Variants in ANO5 observed in about 807,000 individuals in gnomAD.
ANO5 encodes anoctamin 5, also known as anoctamin-5.
Under a neutral mutation model 121.0 loss-of-function variants are expected in ANO5, and 109 were observed. The observed-to-expected ratio is 0.90, with a 90% confidence interval of 0.77 to 1.06. The LOEUF (loss-of-function observed/expected upper bound fraction) is 1.06. Among genes scored for constraint, ANO5 ranks in the 50% least tolerant of loss-of-function variants. The pLI, the probability that ANO5 is intolerant of heterozygous loss-of-function variation, is 0.00. For synonymous variants in ANO5, 406 were observed against 359.9 expected (o/e 1.13, Z -1.45); for missense variants, 1,064 against 1,078.5 (o/e 0.99, Z 0.19).
chr11:22,239,779 A>G, intron 9 of ANO5, 95 bp downstream of exon 9: 2 of 906,240 alleles, frequency 2.2e-6, no homozygotes, highest in Non-Finnish European at 3.6e-6. Flanking sequence ...ATTTTCTCCC[A>G]CTACATTTCA....
chr11:22,221,795 C>A (rs978649477), intron 5 of ANO5, among the ~76,000 whole-genome samples: 1 of 151,926 alleles, frequency 6.6e-6, no homozygotes, highest in Non-Finnish European at 1.5e-5. Flanking sequence ...TATTTGAAAT[C>A]ATAAATTAAT....
intron 15 of ANO5, among the ~76,000 whole-genome samples, chr11:22,260,152 ATAAATC>A (rs1590301673): frequency 6.6e-6 from 1 of 152,170 alleles, no homozygotes; most frequent in African/African-American, 2.4e-5. Context: ...CTTCTCCTAA[ATAAATC>A]TAAATTTTAG....
At chr11:22,258,976 A>G (rs1854095757) in intron 14 of ANO5, among the ~76,000 whole-genome samples, 1 of 152,060 alleles carries the variant, frequency 6.6e-6, no homozygotes, top group African/African-American at 2.4e-5. Context: ...TACTAAAAAT[A>G]CAAAAAATTA....
chr11:22,269,403 A>AG (rs1294467746), intron 17 of ANO5, among the ~76,000 whole-genome samples: 7 of 147,508 alleles, frequency 4.7e-5, no homozygotes, highest in Non-Finnish European at 7.5e-5. Context: ...GGAAGGAAGG[A>AG]GAAAAAAAGA....
In ANO5 at chr11:22,272,199, TGAG is replaced by T. The variant is rs554038411; in HGVS notation, c.2030-581_2030-579del. Among the ~76,000 whole-genome samples the T allele has an allele frequency of 2.4e-3, 362 of 152,054 alleles. 1 individual carries two copies. Among genetic ancestry groups the T allele is most frequent in the African/African-American group, 8.3e-3 (344 of 41,462 alleles). ...GGTGTGGTCCTCTGTTGAGTCTTAA[TGAG>T]GAGAGAGAATAAAATTTATTTAGAA... On this transcript the variant is annotated intron_variant, in intron 18 of 21. Transcript: ENST00000324559.
At chr11:22,270,058 T>A (rs1361517016) in intron 17 of ANO5, among the ~76,000 whole-genome samples, 1 of 152,194 alleles carries the variant, frequency 6.6e-6, no homozygotes, top group African/African-American at 2.4e-5. Context: ...TCTGAGTAAA[T>A]ATATTTCTCT....
chr11:22,263,632 T>G lies in ANO5; in HGVS notation c.1898+589T>G, dbSNP rs112887813. ...CTGACAGTTTATCTCAAATAGTAGA[T>G]GAAAATTGTCATGGATAAAAAGAGA... On this transcript the variant is annotated intron_variant, in intron 17 of 21. Coordinates refer to ENST00000324559, the MANE Select transcript of ANO5 (RefSeq NM_213599.3). Among the ~76,000 whole-genome samples the G allele has an allele frequency of 1.6e-3, 248 of 152,278 alleles. 2 individuals are homozygous for G. Among genetic ancestry groups the G allele is most frequent in the African/African-American group, 5.7e-3 (235 of 41,540 alleles).
At position 22,274,650 on chromosome 11, in the gene ANO5, A is replaced by C; in HGVS notation, c.2317A>C (p.Met773Leu). The change falls in exon 20 of 22, where the codon ATG becomes CTG. Residue 773 changes from methionine to leucine, a missense_variant. Met to Leu is a conservative substitution (Grantham distance 15, BLOSUM62 2). Transcript: ENST00000324559. The stretch of plus-strand genomic sequence containing the variant: ...TTACTCAACAAATGCCACACAGCCT[A>C]TGACAGGATATGTGAATAATAGCCT... ...YAYSTNATQP[M>L]TGYVNNSLSV... 1 of 1,613,436 alleles carries C rather than the reference A, an allele frequency of 6.2e-7. No individual in the cohort carries two copies. Among genetic ancestry groups the C allele is most frequent in the Non-Finnish European group, 8.5e-7 (1 of 1,179,590 alleles).
chr11:22,236,310 T>G (rs1853218493), intron 8 of ANO5, 34 bp downstream of exon 8: 3 of 1,515,418 alleles, frequency 2.0e-6, no homozygotes, highest in Admixed American at 1.7e-5. Flanking sequence ...AATCTGAGCT[T>G]ATTTTCCTCC....
intron 12 of ANO5, among the ~76,000 whole-genome samples, chr11:22,253,007 C>T (rs1369483201): frequency 6.6e-6 from 1 of 152,082 alleles, no homozygotes; most frequent in Non-Finnish European, 1.5e-5. Flanking sequence ...TTAGGACAAA[C>T]ACCATGGCTT....
chr11:22,273,995 A>G (rs1377299196), intron 19 of ANO5, among the ~76,000 whole-genome samples: 1 of 152,104 alleles, frequency 6.6e-6, no homozygotes, highest in African/African-American at 2.4e-5. Flanking sequence ...TTTTTAATTG[A>G]CTTATCTAAT....
chr11:22,277,170 G>T (rs1221323023), intron 21 of ANO5, among the ~76,000 whole-genome samples: 1 of 150,694 alleles, frequency 6.6e-6, no homozygotes, highest in Non-Finnish European at 1.5e-5. Flanking sequence ...TTCTACTTTG[G>T]CAGATCTCAC....
chr11:22,273,850 A>G (rs1425105505), intron 19 of ANO5, among the ~76,000 whole-genome samples: 2 of 152,088 alleles, frequency 1.3e-5, no homozygotes, highest in African/African-American at 4.8e-5. Context: ...TGAAATGACC[A>G]CTTTTTTAGA....
rs143086114 is a variant in ANO5, at chr11:22,248,515, C to T, written c.879-1722C>T. Among the ~76,000 whole-genome samples the T allele has an allele frequency of 9.1e-3, 1,385 of 152,094 alleles. 18 individuals carry two copies. Among genetic ancestry groups the T allele is most frequent in the African/African-American group, 0.031 (1,304 of 41,548 alleles). The stretch of plus-strand genomic sequence containing the variant: ...CATATTGCAAATCTAAGAAATATCT[C>T]CTGCTTTCTGAGATCCTGAAAGATT... On this transcript the variant is annotated intron_variant, in intron 9 of 21. Coordinates refer to ENST00000324559, the MANE Select transcript of ANO5 (RefSeq NM_213599.3).
In ANO5 at chr11:22,251,054, A is replaced by G. The variant is rs368313780; in HGVS notation, c.1180+43A>G. On this transcript the variant is annotated intron_variant, in intron 12 of 21. Coordinates refer to ENST00000324559, the MANE Select transcript of ANO5 (RefSeq NM_213599.3). The stretch of plus-strand genomic sequence containing the variant: ...TAAAGAAACAGCTTTCTTCCTATTA[A>G]TGTGTTGTTTTGCCTCCATATAACA... 15 of 1,556,156 alleles carry G rather than the reference A, an allele frequency of 9.6e-6. No individual in the cohort carries two copies. In the African/African-American group the frequency reaches 1.8e-4, roughly 18 times the overall value.
At chr11:22,273,905 A>T (rs1564952132) in intron 19 of ANO5, among the ~76,000 whole-genome samples, 1 of 152,088 alleles carries the variant, frequency 6.6e-6, no homozygotes. Flanking sequence ...AGAAAGCCTG[A>T]ATGTACCATT....
intron 19 of ANO5, among the ~76,000 whole-genome samples, 153 bp from the exon 20 acceptor site, chr11:22,274,416 T>A (rs1434949393): frequency 6.6e-6 from 1 of 152,120 alleles, no homozygotes; most frequent in Non-Finnish European, 1.5e-5. Context: ...ACTTTGTGTT[T>A]CAGGACAAAG....
chr11:22,245,824 CTG>C (rs1369076955), intron 9 of ANO5, among the ~76,000 whole-genome samples: 3 of 152,084 alleles, frequency 2.0e-5, no homozygotes, highest in Non-Finnish European at 4.4e-5. Context: ...TGTGTTTTGA[CTG>C]TGGCTCATCA....
chr11:22,267,845 C>T (rs1296701361), intron 17 of ANO5, among the ~76,000 whole-genome samples: 1 of 152,124 alleles, frequency 6.6e-6, no homozygotes, highest in African/African-American at 2.4e-5. Flanking sequence ...TTAGCTCCCA[C>T]TTATAAGTGA....
Sources: gnomAD v4.1 joint callset for allele counts (sites outside exome capture counted in the v4.1 genomes callset) on GRCh38, gnomAD v4.1.1 for gene constraint, MANE v1.5 for transcripts, NCBI Gene and HGNC (gene_info 2026-07-23, HGNC 2026-07-21) for gene names.